SLC2A11: variants seen among roughly 807,000 people sequenced by gnomAD.
The protein encoded by SLC2A11 is solute carrier family 2, facilitated glucose transporter member 11.
In SLC2A11, 43 loss-of-function variants were observed where a neutral mutation model predicts 52.1. The ratio of observed to expected loss-of-function variants is 0.82; its 90% CI spans 0.65 to 1.06. The LOEUF is 1.06. Ranked by LOEUF, SLC2A11 falls within the 50% of genes least tolerant of loss-of-function variation. The pLI, the probability that SLC2A11 is intolerant of heterozygous loss-of-function variation, is 0.00. For synonymous variants in SLC2A11, 261 were observed against 277.6 expected (o/e 0.94, Z 0.59); for missense variants, 582 against 654.2 (o/e 0.89, Z 1.20).
chr22:23,858,311 C>G lies in SLC2A11; in HGVS notation c.30+282C>G, dbSNP rs7285454. 6.7e-3 allele frequency among the ~76,000 whole-genome samples: 1,018 copies of G among 152,294 alleles called. 14 individuals carry two copies. Among genetic ancestry groups the G allele is most frequent in the African/African-American group, 0.023 (969 of 41,552 alleles). On this transcript the variant is annotated intron_variant, in intron 1 of 11. Coordinates refer to ENST00000316185, the MANE Select transcript of SLC2A11 (RefSeq NM_001024939.4). Reference sequence around the variant, plus strand: ...TGCCGATCAGCCCTGACCTCAGAGGCAGTAAGCCCTCCGAGCGCTGCAATC... The same window carrying G: ...TGCCGATCAGCCCTGACCTCAGAGGGAGTAAGCCCTCCGAGCGCTGCAATC...
intron 6 of SLC2A11, chr22:23,882,249 GAAAC>G (rs2032837602): frequency 1.4e-5 from 8 of 580,552 alleles, no homozygotes; most frequent in East Asian, 5.8e-5. Context: ...GGCAGAGAGA[GAAAC>G]ACACACACAC....
rs756338522 is a variant in SLC2A11, at chr22:23,868,552, G to C, written c.201G>C (p.Leu67=). 1.2e-5 allele frequency: 19 copies of C among 1,614,230 alleles called. No individual in the cohort carries two copies. The South Asian group carries it at 1.8e-4, about 15-fold the overall frequency. ...TGEPLPDHLV[L]LMWSLIVSLY... ...AGCCACTGCCCGATCACCTAGTCCT[G>C]CTTATGTGGTCCCTCATCGTGTCTC... The change falls in exon 3 of 12, where the codon CTG becomes CTC. Residue 67 remains leucine, a synonymous_variant. Transcript: ENST00000316185.
At chr22:23,874,862 G>A (rs66770319) in intron 3 of SLC2A11, among the ~76,000 whole-genome samples, 2,032 of 152,302 alleles carry the variant, frequency 0.013, 51 homozygotes, top group African/African-American at 0.047. Context: ...TGGGATTAAA[G>A]GCATGAGCCA....
At chr22:23,869,730 C>G (rs1450237826) in intron 3 of SLC2A11, 2 of 437,350 alleles carry the variant, frequency 4.6e-6, no homozygotes, top group Non-Finnish European at 8.1e-6. Flanking sequence ...GTATAAAGAA[C>G]AGAAATTTAC....
intron 3 of SLC2A11, chr22:23,869,029 C>A: frequency 5.2e-6 from 1 of 190,804 alleles, no homozygotes. Context: ...GATAGTGGGG[C>A]AGCTCATAGC....
At chr22:23,882,672 C>G (rs769072131) in intron 7 of SLC2A11, 26 bp downstream of exon 7, 22 of 1,607,842 alleles carry the variant, frequency 1.4e-5, no homozygotes, top group Non-Finnish European at 1.9e-5. Context: ...CGCCGCACAC[C>G]CTGGGCCCCG....
intron 2 of SLC2A11, chr22:23,865,114 A>AAAAAAC (rs2032211662): frequency 6.7e-6 from 1 of 148,164 alleles, no homozygotes; most frequent in Admixed American, 6.8e-5. Flanking sequence ...CAAAAAAAAA[A>AAAAAAC]AAAAAAAAAC....
At chr22:23,877,335 G>A (rs1266629871) in intron 5 of SLC2A11, 164 bp downstream of exon 5, 3 of 1,180,576 alleles carry the variant, frequency 2.5e-6, no homozygotes, top group African/African-American at 3.0e-5. Context: ...CACGAAATGG[G>A]TATCAGTCAA....
At chr22:23,870,649 A>G (rs11913444) in intron 3 of SLC2A11, 27,607 of 151,780 alleles carry the variant, frequency 0.18, 2,607 homozygotes, top group African/African-American at 0.23. Context: ...ATATTTATGT[A>G]TATTTTCACG....
chr22:23,857,431 G>A (rs1259514710), upstream of SLC2A11: 6 of 1,610,142 alleles, frequency 3.7e-6, no homozygotes, highest in East Asian at 1.1e-4. Flanking sequence ...AGATGAGCTT[G>A]GGGCTTAGCC....
At chr22:23,857,054 G>A (rs940623450), upstream of SLC2A11, 44 of 629,962 alleles carry the variant, frequency 7.0e-5, no homozygotes, top group Non-Finnish European at 1.1e-4. Flanking sequence ...GGGGATACCT[G>A]AACCAAAGTG....
At chr22:23,868,416 G>C (rs919214854) in intron 2 of SLC2A11, 65 bp from the exon 3 acceptor site, 55 of 1,585,212 alleles carry the variant, frequency 3.5e-5, no homozygotes, top group Non-Finnish European at 4.5e-5. Flanking sequence ...TGGGGAGAAG[G>C]CTTGTTTCAT....
chr22:23,884,055 A>G lies in SLC2A11; in HGVS notation c.1171+31A>G, dbSNP rs2070460. On this transcript the variant is annotated intron_variant, in intron 10 of 11. Transcript: ENST00000316185. The surrounding 1 kb of genome is among the most constrained non-coding windows in gnomAD (Gnocchi z 4.3). ...TGGGCCCAAGGGGCTCTGGGCATCC[A>G]TCATCACATAGAAGGAGTGATGGGT... is the stretch of plus-strand genomic sequence containing the variant. The G allele has an allele frequency of 0.7, 1,122,585 of 1,603,422 alleles. 393,868 individuals are homozygous for G. Among genetic ancestry groups the G allele is most frequent in the Admixed American group, 0.79 (44,459 of 56,580 alleles).
chr22:23,857,769 G>C, upstream of SLC2A11: 4 of 1,405,030 alleles, frequency 2.8e-6, no homozygotes, highest in Non-Finnish European at 3.7e-6. Context: ...AGCGTTGCGC[G>C]AACCCTCAGC....
intron 3 of SLC2A11, chr22:23,872,182 A>G (rs1252114072): frequency 2.0e-5 from 3 of 152,154 alleles, no homozygotes; most frequent in African/African-American, 7.2e-5. Context: ...CAAAAAAACA[A>G]AAAATAGAAA....
intron 3 of SLC2A11, among the ~76,000 whole-genome samples, chr22:23,874,432 G>A (rs187314369): frequency 1.4e-4 from 21 of 151,260 alleles, no homozygotes; most frequent in African/African-American, 4.6e-4. Context: ...AATTACAGGC[G>A]TGCGCCATCA....
rs373023307 is a variant in SLC2A11 at position 23,877,895 on chromosome 22, G to C, written c.694+26G>C. 3 of 1,590,440 alleles carry C rather than the reference G, an allele frequency of 1.9e-6. No individual in the cohort carries two copies. In the East Asian group the frequency reaches 6.7e-5, roughly 36 times the overall value. On this transcript the variant is annotated intron_variant, in intron 6 of 11. Transcript: ENST00000316185. The stretch of plus-strand genomic sequence containing the variant: ...GTGAGTCTCTGTCCTTGGGCTCCCA[G>C]ACTGCCCTTGACCAAGGGATGCATC...
At chr22:23,868,196 T>C in intron 2 of SLC2A11, 1 of 479,620 alleles carries the variant, frequency 2.1e-6, no homozygotes, top group Non-Finnish European at 3.8e-6. Flanking sequence ...GTCAGGAGTA[T>C]TGTGTGAGTA....
At chr22:23,858,267 C>T (rs1396791724) in intron 1 of SLC2A11, 1 of 676,536 alleles carries the variant, frequency 1.5e-6, no homozygotes, top group East Asian at 2.8e-5. Flanking sequence ...ATCCCAGCCC[C>T]CAGAGATGCT....
Sources: gnomAD v4.1 joint callset for allele counts (sites outside exome capture counted in the v4.1 genomes callset) on GRCh38, gnomAD v4.1.1 for gene constraint, Gnocchi (gnomAD v3.1) non-coding constraint, MANE v1.5 for transcripts, NCBI Gene and HGNC (gene_info 2026-07-23, HGNC 2026-07-21) for gene names.